Variants in CDK5RAP3 observed in about 807,000 individuals in gnomAD.
The protein encoded by CDK5RAP3 is CDK5 regulatory subunit associated protein 3.
CDK5RAP3 carries 58 observed loss-of-function variants against 73.3 expected under a neutral mutation model. The observed-to-expected ratio is 0.79, with a 90% CI of 0.64 to 0.98. The LOEUF is 0.98. Among genes scored for constraint, CDK5RAP3 ranks in the 50% least tolerant of loss-of-function variants. The pLI, the probability that CDK5RAP3 is intolerant of heterozygous loss-of-function variation, is 0.00. For missense variants in CDK5RAP3, 525 were observed against 615.8 expected, an observed-to-expected ratio of 0.85 and a Z score of 1.56; for synonymous variants, 224 against 247.5, an observed-to-expected ratio of 0.91 and a Z score of 0.89.
upstream of CDK5RAP3, chr17:47,970,855 C>T: frequency 7.1e-7 from 1 of 1,414,214 alleles, no homozygotes; most frequent in Non-Finnish European, 9.4e-7. Context: ...CTGTCGCAAT[C>T]CCACGGCCGC....
At chr17:47,976,627 G>C in intron 8 of CDK5RAP3, 85 bp from the exon 9 acceptor site, 1 of 938,648 alleles carries the variant, frequency 1.1e-6, no homozygotes, top group Non-Finnish European at 1.7e-6. Context: ...GCCTCCCAAA[G>C]TACTGGGGTT....
chr17:47,969,580 A>AAAAAAAAAAAAAAAAAAAAAAAG (rs1567720961), upstream of CDK5RAP3, among the ~76,000 whole-genome samples: 17 of 131,370 alleles, frequency 1.3e-4, no homozygotes, highest in African/African-American at 5.0e-4. Context: ...AAAAAAAAAA[A>AAAAAAAAAAAAAAAAAAAAAAAG]AAAAGAAAAG....
chr17:47,978,755 G>T (rs951421894), intron 10 of CDK5RAP3, 74 bp from the exon 11 acceptor site: 3 of 1,130,764 alleles, frequency 2.7e-6, no homozygotes, highest in Non-Finnish European at 4.0e-6. Context: ...ATCCTCCAGG[G>T]CTTCTCACAC....
intron 10 of CDK5RAP3, 44 bp from the exon 11 acceptor site, chr17:47,978,785 C>G: frequency 6.8e-7 from 1 of 1,477,840 alleles, no homozygotes; most frequent in East Asian, 2.3e-5. Flanking sequence ...TTTTCCTTCT[C>G]CAGTCCTCTG....
At chr17:47,972,541 G>A (rs1035190908) in intron 2 of CDK5RAP3, among the ~76,000 whole-genome samples, 1 of 152,074 alleles carries the variant, frequency 6.6e-6, no homozygotes, top group Non-Finnish European at 1.5e-5. Flanking sequence ...CCTGCTTGGT[G>A]GTCACGGGGG....
Position 47,973,513 on chromosome 17 carries a change from A to T in CDK5RAP3, c.53-6A>T, listed in dbSNP as rs1190864750. The T allele has an allele frequency of 6.2e-7, 1 of 1,613,502 alleles. No homozygotes were observed. Among genetic ancestry groups the T allele is most frequent in the Non-Finnish European group, 8.5e-7 (1 of 1,179,554 alleles). On this transcript the variant is annotated splice_polypyrimidine_tract_variant and splice_region_variant and intron_variant, in intron 2 of 13. Transcript: ENST00000338399. Reference sequence around the variant, plus strand: ...GAATGCTCTAATTTGGGTGCTTCTCATGTAGATTGGCTGGTGGACAGAAGG... The same window carrying T: ...GAATGCTCTAATTTGGGTGCTTCTCTTGTAGATTGGCTGGTGGACAGAAGG...
chr17:47,974,824 G>A, intron 5 of CDK5RAP3: 1 of 1,279,598 alleles, frequency 7.8e-7, no homozygotes. Context: ...GTGCCTGAGA[G>A]CAACTACAGG....
intron 5 of CDK5RAP3, chr17:47,974,660 G>A: frequency 7.2e-7 from 1 of 1,387,796 alleles, no homozygotes; most frequent in South Asian, 1.5e-5. Flanking sequence ...CAGGCCGGTA[G>A]TGGCCATTCG....
At chr17:47,971,687 C>T (rs1394531114) in intron 2 of CDK5RAP3, among the ~76,000 whole-genome samples, 1 of 152,166 alleles carries the variant, frequency 6.6e-6, no homozygotes, top group East Asian at 1.9e-4. Context: ...CAGTCAACCA[C>T]TGCCGGGCGC....
intron 7 of CDK5RAP3, 38 bp from the exon 8 acceptor site, chr17:47,975,831 A>G: frequency 1.9e-6 from 3 of 1,613,054 alleles, no homozygotes; most frequent in Non-Finnish European, 2.5e-6. Context: ...GGCCTTACGC[A>G]TGGTCGGCAG....
chr17:47,981,151 T>C lies in CDK5RAP3; in HGVS notation c.1284-12T>C. On this transcript the variant is annotated splice_polypyrimidine_tract_variant and intron_variant, in intron 12 of 13. Transcript: ENST00000338399. Reference sequence around the variant, plus strand: ...ACAGCTAACCCAGCACTCACCTGAGTGCCCCGCACAGGTATGTGGACCGAG... The same window carrying C: ...ACAGCTAACCCAGCACTCACCTGAGCGCCCCGCACAGGTATGTGGACCGAG... The C allele has an allele frequency of 6.2e-7, 1 of 1,608,724 alleles. No homozygotes were observed.
In CDK5RAP3 at chr17:47,978,911, C is replaced by G; in HGVS notation, c.1071C>G (p.Leu357=). Residue 357 remains leucine (L), a synonymous_variant, in exon 11 of 14, where the codon CTC becomes CTG. Coordinates refer to ENST00000338399, the MANE Select transcript of CDK5RAP3 (RefSeq NM_176096.3). ...TETRNQFLDE[L]MELEIFLAQR... Reference sequence around the variant, plus strand: ...CCCGGAATCAGTTCCTTGATGAGCTCATGGAGGTACTGTCATCTCTGGAAG... The same window carrying G: ...CCCGGAATCAGTTCCTTGATGAGCTGATGGAGGTACTGTCATCTCTGGAAG... The G allele has an allele frequency of 6.2e-7, 1 of 1,613,106 alleles. No individual in the cohort carries two copies. The highest frequency in any genetic ancestry group is 1.1e-5 in the South Asian group (1 of 91,060).
In CDK5RAP3 at chr17:47,975,178, G is replaced by A. The variant is rs2036370148; in HGVS notation, c.354G>A (p.Leu118=). The A allele has an allele frequency of 6.2e-7, 1 of 1,614,002 alleles. No individual in the cohort carries two copies. The highest frequency in any genetic ancestry group is 1.7e-5 in the Admixed American group (1 of 60,008). ...TCTCAGTGGAACTCTCTAGCCTCCTGGTTCGGAATGTCAACTATGAGATCC... is the reference window on the plus strand; with the variant it reads ...TCTCAGTGGAACTCTCTAGCCTCCTAGTTCGGAATGTCAACTATGAGATCC... The part of the protein sequence containing the change: ...NTYLVELSSL[L]VRNVNYEIPS... Residue 118 remains leucine, a synonymous_variant, in exon 6 of 14, where the codon CTG becomes CTA. Transcript: ENST00000338399.
At chr17:47,970,679 C>T, upstream of CDK5RAP3, 1 of 1,535,730 alleles carries the variant, frequency 6.5e-7, no homozygotes. Flanking sequence ...CACAAGAGAC[C>T]TGCACACTGC....
chr17:47,975,429 CCCCTTTGGG>C, intron 6 of CDK5RAP3, 76 bp from the exon 7 acceptor site: 2 of 1,606,428 alleles, frequency 1.2e-6, no homozygotes, highest in Non-Finnish European at 1.7e-6. Context: ...CTGGTTGCAC[CCCCTTTGGG>C]CCAGTGTCTT....
intron 5 of CDK5RAP3, chr17:47,974,677 C>T: frequency 7.3e-7 from 1 of 1,368,468 alleles, no homozygotes; most frequent in Non-Finnish European, 9.5e-7. Context: ...TTCGCCGTGC[C>T]TCAGCGAGCA....
Position 47,975,555 on chromosome 17 carries a change from C to A in CDK5RAP3, c.555C>A (p.Asp185Glu). 1 of 1,611,278 alleles carries A rather than the reference C, an allele frequency of 6.2e-7. No homozygotes were observed. Among genetic ancestry groups the A allele is most frequent in the Non-Finnish European group, 8.5e-7 (1 of 1,180,026 alleles). ...VRGELLALVKDLPSQLAEIGA... is the reference protein window; with the variant it reads ...VRGELLALVKELPSQLAEIGA... ...GAGAACTGCTGGCCCTGGTGAAGGA[C>A]CTGCCGAGTCAGCTGGCTGAGATTG... Residue 185 changes from aspartate (D) to glutamate (E), a missense_variant, in exon 7 of 14, where the codon GAC becomes GAA. Coordinates refer to ENST00000338399, the MANE Select transcript of CDK5RAP3 (RefSeq NM_176096.3).
In CDK5RAP3 at chr17:47,975,535, C is replaced by A. The variant is rs201728980; in HGVS notation, c.535C>A (p.Leu179Met). 181 of 1,611,380 alleles carry A rather than the reference C, an allele frequency of 1.1e-4. No individual in the cohort carries two copies. The highest frequency in any genetic ancestry group is 1.5e-4 in the Non-Finnish European group (174 of 1,180,024). Reference protein sequence around the residue: ...GITGENVRGELLALVKDLPSQ... With the variant: ...GITGENVRGEMLALVKDLPSQ... ...CTAGGGCGAAAATGTCCGAGGAGAA[C>A]TGCTGGCCCTGGTGAAGGACCTGCC... is the stretch of plus-strand genomic sequence containing the variant. The change falls in exon 7 of 14, where the codon CTG (leucine) becomes ATG (methionine). Residue 179 changes from leucine (L) to methionine (M), a missense_variant. Leu to Met is a conservative substitution (Grantham distance 15, BLOSUM62 2). Transcript: ENST00000338399.
chr17:47,970,843 G>A (rs1567721500), upstream of CDK5RAP3: 4 of 1,408,316 alleles, frequency 2.8e-6, no homozygotes, highest in South Asian at 4.0e-5. Context: ...CTCGAGCGCC[G>A]CCTGTCGCAA....
Sources: gnomAD v4.1 joint callset for allele counts (sites outside exome capture counted in the v4.1 genomes callset) on GRCh38, gnomAD v4.1.1 for gene constraint, MANE v1.5 for transcripts, NCBI Gene and HGNC (gene_info 2026-07-23, HGNC 2026-07-21) for gene names.